Variants in NFATC3 observed in about 807,000 individuals in gnomAD.
The protein encoded by NFATC3 is nuclear factor of activated T cells 3.
NFATC3 carries 46 observed loss-of-function variants against 98.6 expected under a neutral mutation model. The ratio of observed to expected loss-of-function variants is 0.47; its 90% CI spans 0.37 to 0.60. NFATC3 has a LOEUF of 0.60. Among genes scored for constraint, NFATC3 ranks in the 20% least tolerant of loss-of-function variants. The pLI, the probability that NFATC3 is intolerant of heterozygous loss-of-function variation, is 0.00. For missense variants in NFATC3, 1,256 were observed against 1,295.5 expected, an observed-to-expected ratio of 0.97 and a Z score of 0.47; for synonymous variants, 512 against 472.2, an observed-to-expected ratio of 1.08 and a Z score of -1.09.
At position 68,228,675 on chromosome 16, in the gene NFATC3, GACTTAA is replaced by G. The variant is rs766843163; in HGVS notation, c.*2206_*2211del. ...AATATTTTTTGGCTTTGTAGATAAA[GACTTAA>G]ATTTTTGTGCAACATAGTGGTGTTA... On this transcript the variant is annotated 3_prime_UTR_variant, in exon 10 of 10. Coordinates refer to ENST00000346183, the MANE Select transcript of NFATC3 (RefSeq NM_173165.3). 2 of 152,600 alleles carry G rather than the reference GACTTAA, an allele frequency of 1.3e-5. No individual in the cohort carries two copies. The highest frequency in any genetic ancestry group is 2.9e-5 in the Non-Finnish European group (2 of 68,028). The allele number at this position is 152,600 out of a possible 1,614,324, so 9.5% of individuals were successfully genotyped here. A position where few individuals can be genotyped will look rare whatever the true frequency, so the allele number is the denominator to read the frequency against.
rs35302776 is a variant in NFATC3, at chr16:68,167,810, C to CTTTTTTTTTTTTTTTTT, written c.1774+818_1774+834dup. On this transcript the variant is annotated intron_variant, in intron 5 of 9. Transcript: ENST00000346183. ...TTTATATCTGTTAACCGTATGTGTTCTTTTTTTTTTTTTTTTTTTTTTTTT... is the reference window on the plus strand; with the variant it reads ...TTTATATCTGTTAACCGTATGTGTTCTTTTTTTTTTTTTTTTTTTTTTTTTTTTTTTTTTTTTTTTTT... Among the ~76,000 whole-genome samples the CTTTTTTTTTTTTTTTTT allele has an allele frequency of 1.4e-3, 34 of 23,920 alleles. 13 individuals carry two copies. Among genetic ancestry groups the CTTTTTTTTTTTTTTTTT allele is most frequent in the Middle Eastern group, 0.056 (2 of 36 alleles). 15.7% of individuals were successfully genotyped at this position (23,920 alleles called of 152,430 possible).
chr16:68,098,421 C>T (rs867904420), intron 1 of NFATC3, among the ~76,000 whole-genome samples: 1 of 151,388 alleles, frequency 6.6e-6, no homozygotes, highest in Non-Finnish European at 1.5e-5. Flanking sequence ...CCTGCCTCAG[C>T]CTCCCGAGTA....
intron 3 of NFATC3, chr16:68,138,412 C>T: frequency 1.2e-6 from 1 of 838,240 alleles, no homozygotes; most frequent in Non-Finnish European, 1.6e-6. Context: ...ATCATGGTAG[C>T]CTAACTACTG....
intron 6 of NFATC3, among the ~76,000 whole-genome samples, chr16:68,177,032 C>CTTTTTTT (rs548092276): frequency 3.3e-4 from 44 of 133,094 alleles, no homozygotes; most frequent in Non-Finnish European, 4.8e-4. Flanking sequence ...CTTTTCTTTT[C>CTTTTTTT]TTTTTTTTTT....
chr16:68,220,507 A>G (rs1045470384), intron 9 of NFATC3, among the ~76,000 whole-genome samples: 6 of 152,054 alleles, frequency 3.9e-5, no homozygotes, highest in African/African-American at 1.4e-4. Context: ...CATTAGGGGC[A>G]TAAACAATTC....
At chr16:68,175,127 T>C (rs2039631288) in intron 6 of NFATC3, among the ~76,000 whole-genome samples, 2 of 152,238 alleles carry the variant, frequency 1.3e-5, no homozygotes, top group African/African-American at 4.8e-5. Context: ...TGCTACAGCA[T>C]GGATAAACCC....
intron 9 of NFATC3, among the ~76,000 whole-genome samples, chr16:68,210,712 T>C (rs1351644644): frequency 6.6e-6 from 1 of 152,184 alleles, no homozygotes; most frequent in African/African-American, 2.4e-5. Flanking sequence ...CCTTTTAATA[T>C]GCTGCTGAAT....
chr16:68,204,402 T>G (rs554835044), intron 9 of NFATC3, among the ~76,000 whole-genome samples: 1 of 152,340 alleles, frequency 6.6e-6, no homozygotes, highest in South Asian at 2.1e-4. Context: ...TTACTGTTTC[T>G]TGATAAACTC....
intron 1 of NFATC3, 163 bp downstream of exon 1, chr16:68,085,947 G>A (rs974580752): frequency 1.7e-5 from 9 of 518,358 alleles, no homozygotes; most frequent in Non-Finnish European, 2.6e-5. Context: ...AATCGCTGAG[G>A]AGGCGTGTGG....
chr16:68,178,091 C>A (rs963483245), intron 6 of NFATC3, among the ~76,000 whole-genome samples: 2 of 151,966 alleles, frequency 1.3e-5, no homozygotes, highest in African/African-American at 2.4e-5. Context: ...ACTTATTTTT[C>A]TTCTCATTGT....
chr16:68,148,924 G>A (rs2038176089), intron 3 of NFATC3, among the ~76,000 whole-genome samples: 1 of 152,122 alleles, frequency 6.6e-6, no homozygotes, highest in Non-Finnish European at 1.5e-5. Context: ...CAGAAGAATT[G>A]CTTGAACCTG....
At chr16:68,225,953 CCCA>C (rs1490393659) in intron 9 of NFATC3, 1 of 154,002 alleles carries the variant, frequency 6.5e-6, no homozygotes, top group Non-Finnish European at 1.4e-5. Flanking sequence ...CAAAATCACC[CCCA>C]CATCACAGTG....
At chr16:68,098,300 A>ATTATTT (rs1461722980) in intron 1 of NFATC3, among the ~76,000 whole-genome samples, 4 of 94,306 alleles carry the variant, frequency 4.2e-5, no homozygotes, top group South Asian at 7.4e-4. Context: ...TATTATTATT[A>ATTATTT]TTTTTTTTTT....
intron 1 of NFATC3, among the ~76,000 whole-genome samples, chr16:68,092,960 A>AT (rs1248776506): frequency 1.3e-5 from 2 of 151,970 alleles, no homozygotes; most frequent in African/African-American, 4.8e-5. Context: ...GGATTTGTGT[A>AT]TTAATAGTTT....
intron 9 of NFATC3, chr16:68,200,128 T>C (rs1380566697): frequency 6.6e-6 from 1 of 152,066 alleles, no homozygotes; most frequent in Non-Finnish European, 1.5e-5. Context: ...TTGATCTCTT[T>C]CCCAGTCTTA....
intron 3 of NFATC3, among the ~76,000 whole-genome samples, chr16:68,133,886 A>T (rs1006844119): frequency 1.8e-4 from 27 of 147,832 alleles, no homozygotes; most frequent in African/African-American, 4.9e-4. Flanking sequence ...CTTTTTTTTA[A>T]AAAAAAAAAA....
chr16:68,090,194 T>A (rs2034625910), intron 1 of NFATC3, among the ~76,000 whole-genome samples: 1 of 151,974 alleles, frequency 6.6e-6, no homozygotes, highest in South Asian at 2.1e-4. Flanking sequence ...TTAGTCAAGG[T>A]TTTTGTTTTA....
chr16:68,174,613 T>G, intron 6 of NFATC3, 99 bp downstream of exon 6: 1 of 990,478 alleles, frequency 1.0e-6, no homozygotes, highest in Non-Finnish European at 1.4e-6. Flanking sequence ...GTAGTTTTCA[T>G]AAAGCTATGG....
intron 5 of NFATC3, among the ~76,000 whole-genome samples, chr16:68,168,803 C>T (rs1383619175): frequency 3.3e-5 from 5 of 152,088 alleles, no homozygotes; most frequent in Non-Finnish European, 5.9e-5. Context: ...TAATTTGGGG[C>T]CACATCTGCT....
Sources: gnomAD v4.1 joint callset for allele counts (sites outside exome capture counted in the v4.1 genomes callset) on GRCh38, gnomAD v4.1.1 for gene constraint, MANE v1.5 for transcripts, NCBI Gene and HGNC (gene_info 2026-07-23, HGNC 2026-07-21) for gene names.